The following RNLS variants were observed in gnomAD, a reference collection of about 807,000 sequenced individuals.
The protein encoded by RNLS is renalase.
A neutral mutation model predicts 39.8 loss-of-function variants in RNLS; 39 were observed. The observed-to-expected ratio is 0.98, with a 90% confidence interval of 0.76 to 1.28. The LOEUF (loss-of-function observed/expected upper bound fraction) is 1.28, where lower values mean the gene tolerates loss of function less well. Ranked by LOEUF, RNLS falls within the 50% of genes most tolerant of loss-of-function variation. The pLI is 0.00. For missense variants in RNLS, 410 were observed against 413.3 expected, an observed-to-expected ratio of 0.99 and a Z score of 0.07; for synonymous variants, 147 against 150.7, an observed-to-expected ratio of 0.98 and a Z score of 0.18.
At chr10:88,539,913 A>T (rs1293755620) in intron 4 of RNLS, among the ~76,000 whole-genome samples, 1 of 152,114 alleles carries the variant, frequency 6.6e-6, no homozygotes, top group Non-Finnish European at 1.5e-5. Context: ...ACCACAGTCT[A>T]CATACAAGAT....
chr10:88,382,330 A>AAAAT (rs1189266543), intron 4 of RNLS, among the ~76,000 whole-genome samples: 1 of 152,140 alleles, frequency 6.6e-6, no homozygotes, highest in Admixed American at 6.5e-5. Context: ...CTATGCTAAA[A>AAAAT]AAATACAATA....
At chr10:88,523,387 C>G (rs548301359) in intron 4 of RNLS, among the ~76,000 whole-genome samples, 1 of 152,214 alleles carries the variant, frequency 6.6e-6, no homozygotes, top group South Asian at 2.1e-4. Flanking sequence ...CATTTATAGA[C>G]TTTTTGAAAA....
chr10:88,478,879 TTCTTTCTTTCTTTC>T (rs1268772099), intron 4 of RNLS, among the ~76,000 whole-genome samples: 13 of 150,724 alleles, frequency 8.6e-5, no homozygotes, highest in East Asian at 4.2e-4. Flanking sequence ...TTCTTTCTCT[TTCTTTCTTTCTTTC>T]TCTTTCTTTC....
chr10:88,375,628 A>G (rs2133462039), intron 4 of RNLS, among the ~76,000 whole-genome samples: 1 of 152,320 alleles, frequency 6.6e-6, no homozygotes, highest in African/African-American at 2.4e-5. Context: ...GCCTGCAATG[A>G]GAACTGATTT....
rs576058662 is a variant in RNLS at position 88,443,907 on chromosome 10, C to T, written c.527-81182G>A. On this transcript the variant is annotated intron_variant, in intron 4 of 6. Transcript: ENST00000331772. The stretch of plus-strand genomic sequence containing the variant: ...TCCACCTCTCGGGGCAGGGCATAGC[C>T]GAACAAAAGGCAGCAGAAACCTCTG... Among the ~76,000 whole-genome samples, 55 of 152,336 alleles carry T rather than the reference C, an allele frequency of 3.6e-4. 1 individual carries two copies. Among genetic ancestry groups the T allele is most frequent in the East Asian group, 2.9e-3 (15 of 5,188 alleles).
intron 5 of RNLS, among the ~76,000 whole-genome samples, chr10:88,339,959 G>T (rs2133214022): frequency 6.6e-6 from 1 of 152,266 alleles, no homozygotes. Flanking sequence ...GTAAATGACA[G>T]CTCAAGACTC....
At chr10:88,575,959 C>T (rs1418433451) in intron 3 of RNLS, among the ~76,000 whole-genome samples, 1 of 152,182 alleles carries the variant, frequency 6.6e-6, no homozygotes, top group Non-Finnish European at 1.5e-5. Context: ...CCTCCTACTG[C>T]TTCAAAACAG....
the RNLS span, among the ~76,000 whole-genome samples, chr10:88,266,259 A>T: frequency 6.6e-6 from 1 of 152,188 alleles, no homozygotes; most frequent in South Asian, 2.1e-4. Context: ...CCCTGAGAAG[A>T]TGAATGCTGG....
intron 5 of RNLS, among the ~76,000 whole-genome samples, chr10:88,333,152 G>A (rs1589576401): frequency 6.6e-6 from 1 of 152,200 alleles, no homozygotes. Context: ...TTCTTTGGAC[G>A]AATATATTTT....
intron 4 of RNLS, among the ~76,000 whole-genome samples, chr10:88,382,326 T>TA (rs1564751827): frequency 1.3e-5 from 2 of 152,012 alleles, no homozygotes; most frequent in South Asian, 4.1e-4. Flanking sequence ...TTGGCTATGC[T>TA]AAAAAAATAC....
chr10:88,480,480 G>A (rs1844093691), intron 4 of RNLS, among the ~76,000 whole-genome samples: 1 of 152,216 alleles, frequency 6.6e-6, no homozygotes, highest in East Asian at 1.9e-4. Flanking sequence ...GGAGTGCAAT[G>A]GTGCAACCTT....
chr10:88,461,873 T>C (rs1261877658), intron 4 of RNLS, among the ~76,000 whole-genome samples: 1 of 152,012 alleles, frequency 6.6e-6, no homozygotes, highest in Non-Finnish European at 1.5e-5. Flanking sequence ...CAAATAAATA[T>C]TATTTATTAC....
intron 6 of RNLS, among the ~76,000 whole-genome samples, chr10:88,293,693 G>GA (rs66888138): frequency 0.18 from 26,471 of 149,712 alleles, 2,340 homozygotes; most frequent in East Asian, 0.26. Flanking sequence ...ACTGGTCCAT[G>GA]AAAAAAAAAA....
chr10:88,284,770 G>A lies in RNLS; in HGVS notation c.*584C>T, dbSNP rs1843155900. The A allele has an allele frequency of 1.0e-6, 1 of 985,182 alleles. No homozygotes were observed. Among genetic ancestry groups the A allele is most frequent in the South Asian group, 4.7e-5 (1 of 21,290 alleles). 61.0% of individuals were successfully genotyped at this position (985,182 alleles called of 1,614,324 possible). A position where few individuals can be genotyped will look rare whatever the true frequency, so the allele number is the denominator to read the frequency against. On this transcript the variant is annotated 3_prime_UTR_variant, in exon 7 of 7. Transcript: ENST00000331772. ...TATACTTTCTGAAAATCTGAAGGAA[G>A]GTCTCTTTATCAGTCAAGTTGCCCT...
intron 5 of RNLS, among the ~76,000 whole-genome samples, chr10:88,356,101 C>A (rs1171020353): frequency 6.6e-6 from 1 of 152,196 alleles, no homozygotes; most frequent in Non-Finnish European, 1.5e-5. Flanking sequence ...GACTGATTTT[C>A]CAAGTGCTGT....
At chr10:88,487,439 TGAA>T (rs1844600357) in intron 4 of RNLS, among the ~76,000 whole-genome samples, 1 of 152,174 alleles carries the variant, frequency 6.6e-6, no homozygotes, top group South Asian at 2.1e-4. Flanking sequence ...GACAGTTTAC[TGAA>T]GAAGACATAT....
intron 4 of RNLS, among the ~76,000 whole-genome samples, chr10:88,521,426 T>C (rs780632175): frequency 2.0e-5 from 3 of 152,058 alleles, no homozygotes; most frequent in Non-Finnish European, 4.4e-5. Context: ...GGGGAACTAC[T>C]GCAGGTTTTA....
chr10:88,529,423 A>G (rs774771737), intron 4 of RNLS, among the ~76,000 whole-genome samples: 11 of 152,194 alleles, frequency 7.2e-5, no homozygotes, highest in Non-Finnish European at 1.6e-4. Flanking sequence ...TATCAGTAAC[A>G]AAAGTGGTTT....
chr10:88,364,404 A>T (rs1849883288), intron 4 of RNLS, among the ~76,000 whole-genome samples: 1 of 152,134 alleles, frequency 6.6e-6, no homozygotes, highest in East Asian at 1.9e-4. Flanking sequence ...CATTTTTAGA[A>T]CCATGACCTC....
Sources: allele counts gnomAD v4.1 joint callset (sites outside exome capture counted in the v4.1 genomes callset), GRCh38; gene constraint gnomAD v4.1.1; transcripts MANE v1.5; gene names NCBI Gene and HGNC (gene_info 2026-07-23, HGNC 2026-07-21).